Variants in ARHGEF10L observed in about 807,000 individuals in gnomAD.
ARHGEF10L encodes the protein rho guanine nucleotide exchange factor 10-like protein.
ARHGEF10L carries 69 observed loss-of-function variants against 141.2 expected under a neutral mutation model. The observed-to-expected ratio is 0.49, with a 90% CI of 0.40 to 0.60. The LOEUF is 0.60. ARHGEF10L is among the 20% of genes least tolerant of loss of function. The probability of loss-of-function intolerance (pLI) is 0.00; values close to 1 mark genes in which losing one functional copy is unlikely to be tolerated. For synonymous variants in ARHGEF10L, 711 were observed against 718.5 expected, an observed-to-expected ratio of 0.99 and a Z score of 0.17; for missense variants, 1,482 against 1,734.3, an observed-to-expected ratio of 0.85 and a Z score of 2.58.
intron 26 of ARHGEF10L, among the ~76,000 whole-genome samples, chr1:17,668,639 G>A (rs1460222876): frequency 6.6e-6 from 1 of 152,234 alleles, no homozygotes; most frequent in Non-Finnish European, 1.5e-5. Flanking sequence ...GAGGCGAGAT[G>A]GAGGAAGGGG....
Position 17,664,480 on chromosome 1 carries a change from T to C in ARHGEF10L, c.2894T>C (p.Val965Ala), listed in dbSNP as rs139686610. 6.8e-6 allele frequency: 11 copies of C among 1,606,540 alleles called. No individual in the cohort carries two copies. The African/African-American group carries it at 8.0e-5, about 12-fold the overall frequency. The change falls in exon 26 of 29, where the codon GTG becomes GCG. Residue 965 changes from valine (V) to alanine (A), a missense_variant. Val to Ala is a moderately conservative substitution (Grantham distance 64). Transcript: ENST00000361221. ...GVLWDLESPP[V>A]CLTVGPGPVR... The stretch of plus-strand genomic sequence containing the variant: ...CTGTGGGACCTGGAGAGCCCTCCCG[T>C]GTGCCTGACTGTGGGGCCCGGGCCT...
chr1:17,559,924 ATGTTCCTGCTTGATT>A (rs2077481502), intron 1 of ARHGEF10L, among the ~76,000 whole-genome samples: 1 of 151,952 alleles, frequency 6.6e-6, no homozygotes, highest in Non-Finnish European at 1.5e-5. Context: ...TCCACACCTC[ATGTTCCTGCTTGATT>A]TGAATTCTCA....
At chr1:17,520,387 AGTAGAAGGGGGCTGCCCCT>A in the ARHGEF10L span, among the ~76,000 whole-genome samples, 1 of 152,226 alleles carries the variant, frequency 6.6e-6, no homozygotes, top group African/African-American at 2.4e-5. Context: ...GACCCTTCCC[AGTAGAAGGGGGCTGCCCCT>A]GTCACTTGTG....
chr1:17,538,239 A>G (rs2100570643), upstream of ARHGEF10L, among the ~76,000 whole-genome samples: 1 of 152,338 alleles, frequency 6.6e-6, no homozygotes, highest in African/African-American at 2.4e-5. Flanking sequence ...CTCAATGGAC[A>G]TCTGAAGTCT....
At chr1:17,655,303 C>A (rs1188369872) in intron 23 of ARHGEF10L, among the ~76,000 whole-genome samples, 2 of 151,826 alleles carry the variant, frequency 1.3e-5, no homozygotes, top group East Asian at 1.9e-4. Context: ...TCCACCCACC[C>A]ACCTACCTAT....
chr1:17,588,010 G>A (rs1030077892), intron 3 of ARHGEF10L, among the ~76,000 whole-genome samples: 2 of 152,324 alleles, frequency 1.3e-5, no homozygotes, highest in Admixed American at 6.5e-5. Flanking sequence ...TCTGCCTTGG[G>A]GAGCTGGCAA....
intron 28 of ARHGEF10L, among the ~76,000 whole-genome samples, chr1:17,696,617 A>G (rs4920619): frequency 0.8 from 121,740 of 152,140 alleles, 49,110 homozygotes; most frequent in East Asian, 0.9. Context: ...GGAATTTCAC[A>G]CTGAGGCTCC....
At position 17,654,844 on chromosome 1, in the gene ARHGEF10L, C is replaced by T. The variant is rs926732003; in HGVS notation, c.2481+122C>T. 6 of 943,552 alleles carry T rather than the reference C, an allele frequency of 6.4e-6. No individual in the cohort carries two copies. In the African/African-American group the frequency reaches 9.7e-5, roughly 15 times the overall value. The allele number at this position is 943,552 out of a possible 1,614,324, so 58.4% of individuals were successfully genotyped here. On this transcript the variant is annotated intron_variant, in intron 23 of 28. Coordinates refer to ENST00000361221, the MANE Select transcript of ARHGEF10L (RefSeq NM_018125.4). This position sits in a 1 kb window ranked among gnomAD's most constrained non-coding sequence, Gnocchi z 4.3. ...CCTCATCTCATGCAGCTTCATCCAC[C>T]AAGGTCTTCCTGGGCACCTCTGGTG... is the stretch of plus-strand genomic sequence containing the variant.
intron 1 of ARHGEF10L, among the ~76,000 whole-genome samples, chr1:17,563,232 C>T (rs570704295): frequency 2.7e-4 from 39 of 143,920 alleles, no homozygotes; most frequent in African/African-American, 8.4e-4. Context: ...TCAGAGAGCC[C>T]TTTTCTTTTT....
intron 21 of ARHGEF10L, among the ~76,000 whole-genome samples, chr1:17,647,051 G>C (rs534792667): frequency 1.3e-5 from 2 of 151,966 alleles, no homozygotes; most frequent in East Asian, 3.9e-4. Context: ...GGAACTCTCC[G>C]GCTGACCTGG....
Position 17,656,336 on chromosome 1 carries a change from A to G in ARHGEF10L, c.2706-218A>G, listed in dbSNP as rs1458105480. ...AATGGCTGGCTCTTTTGCCTCCCTG[A>G]GTCCTCTTCGTGACAGAGGTGTCAG... On this transcript the variant is annotated intron_variant, in intron 24 of 28. Coordinates refer to ENST00000361221, the MANE Select transcript of ARHGEF10L (RefSeq NM_018125.4). This position sits in a 1 kb window ranked among gnomAD's most constrained non-coding sequence, Gnocchi z 4.9. Among the ~76,000 whole-genome samples, 1 of 152,200 alleles carries G rather than the reference A, an allele frequency of 6.6e-6. No homozygotes were observed. Among genetic ancestry groups the G allele is most frequent in the Non-Finnish European group, 1.5e-5 (1 of 68,030 alleles).
the ARHGEF10L span, among the ~76,000 whole-genome samples, chr1:17,521,499 C>T: frequency 6.6e-6 from 1 of 152,244 alleles, no homozygotes; most frequent in African/African-American, 2.4e-5. Context: ...TTTTTGGAGG[C>T]AGCCTCTTTC....
chr1:17,622,639 G>A (rs900099151), intron 11 of ARHGEF10L, among the ~76,000 whole-genome samples: 14 of 152,134 alleles, frequency 9.2e-5, no homozygotes, highest in African/African-American at 3.1e-4. Context: ...AGAGTGACGC[G>A]GGGTGTGGGA....
Position 17,632,362 on chromosome 1 carries a change from G to T in ARHGEF10L, c.1626G>T (p.Thr542=), listed in dbSNP as rs763367518. ...AGCGGCAGCTGCTCCTGTGTGAGAC[G>T]TTGACGGAGACCGTGTACGGTGACC... The part of the protein sequence containing the change: ...SGQRQLLLCE[T]LTETVYGDRG... The change falls in exon 16 of 29, where the codon ACG becomes ACT. Residue 542 remains threonine, a synonymous_variant. Coordinates refer to ENST00000361221, the MANE Select transcript of ARHGEF10L (RefSeq NM_018125.4). 2 of 1,614,050 alleles carry T rather than the reference G, an allele frequency of 1.2e-6. No individual in the cohort carries two copies. The highest frequency in any genetic ancestry group is 2.7e-5 in the African/African-American group (2 of 74,936).
chr1:17,547,269 A>G (rs964189520), intron 1 of ARHGEF10L, among the ~76,000 whole-genome samples: 4 of 152,230 alleles, frequency 2.6e-5, no homozygotes, highest in African/African-American at 9.6e-5. Context: ...AGGCCCCAAC[A>G]CCACCTTCTT....
In ARHGEF10L at chr1:17,641,715, G is replaced by A. The variant is rs565817720; in HGVS notation, c.2272+1413G>A. ...GACCTTTGGCTGGGCGTGGTGGCTCGCGCCTGTAATCCTAGCACTTTGGGA... is the reference window on the plus strand; with the variant it reads ...GACCTTTGGCTGGGCGTGGTGGCTCACGCCTGTAATCCTAGCACTTTGGGA... On this transcript the variant is annotated intron_variant, in intron 21 of 28. Coordinates refer to ENST00000361221, the MANE Select transcript of ARHGEF10L (RefSeq NM_018125.4). Among the ~76,000 whole-genome samples the A allele has an allele frequency of 6.6e-5, 10 of 150,664 alleles. No homozygotes were observed. The East Asian group carries it at 1.4e-3, about 21-fold the overall frequency.
intron 27 of ARHGEF10L, chr1:17,689,885 C>G (rs1330233517): frequency 2.2e-6 from 1 of 455,536 alleles, no homozygotes; most frequent in African/African-American, 2.0e-5. Context: ...TGTGGACAGA[C>G]CTGGCTGTAG....
intron 21 of ARHGEF10L, among the ~76,000 whole-genome samples, chr1:17,646,255 C>G (rs1358806310): frequency 6.6e-6 from 1 of 152,236 alleles, no homozygotes; most frequent in African/African-American, 2.4e-5. Flanking sequence ...CTCTCTCGGG[C>G]AGTGACGGCA....
At chr1:17,634,607 TG>T in intron 17 of ARHGEF10L, 45 bp downstream of exon 17, 1 of 1,608,220 alleles carries the variant, frequency 6.2e-7, no homozygotes, top group Non-Finnish European at 8.5e-7. Context: ...TCTGGGGCTC[TG>T]GGGCTCTGGT....
Sources: allele counts gnomAD v4.1 joint callset (sites outside exome capture counted in the v4.1 genomes callset), GRCh38; gene constraint gnomAD v4.1.1; non-coding constraint Gnocchi (gnomAD v3.1); transcripts MANE v1.5; gene names NCBI Gene and HGNC (gene_info 2026-07-23, HGNC 2026-07-21).